The following TENM1 variants were observed in gnomAD, a reference collection of about 807,000 sequenced individuals.
TENM1 encodes teneurin-1.
TENM1 carries 35 observed loss-of-function variants against 174.8 expected under a neutral mutation model. The observed-to-expected ratio is 0.20, with a 90% CI of 0.15 to 0.27. The LOEUF is 0.27. TENM1 is among the 10% of genes least tolerant of loss of function. TENM1 has a pLI of 1.00. For synonymous variants in TENM1, 781 were observed against 798.7 expected (o/e 0.98, Z 0.37); for missense variants, 1,633 against 2,130.1 (o/e 0.77, Z 4.59).
chrX:124,914,836 T>TA (rs1359581668), intron 1 of TENM1, among the ~76,000 whole-genome samples: 1 of 111,994 alleles, frequency 8.9e-6, no homozygotes, highest in African/African-American at 3.2e-5. Flanking sequence ...TGCTAAAAAC[T>TA]AATCACATCA....
chrX:124,586,796 C>T (rs1205426999), intron 11 of TENM1, among the ~76,000 whole-genome samples: 4 of 106,782 alleles, frequency 3.7e-5, no homozygotes, highest in Admixed American at 1.0e-4. Context: ...ACCCCATTGT[C>T]TCAGCCCAAA....
Position 124,913,711 on chromosome X carries a change from G to A in TENM1, c.218-17470C>T, listed in dbSNP as rs145325678. On this transcript the variant is annotated intron_variant, in intron 1 of 31. Coordinates refer to ENST00000422452, the Ensembl canonical transcript of TENM1. ...AATTATGACTGCTTTCTGAAGTAGA[G>A]AATAATGGAAAATCTTACTATACTA... Among the ~76,000 whole-genome samples, 204 of 111,830 alleles carry A rather than the reference G, an allele frequency of 1.8e-3. 1 individual carries two copies. The highest frequency in any genetic ancestry group is 6.2e-3 in the African/African-American group (192 of 30,891).
chrX:124,967,596 C>G (rs1321999286), upstream of TENM1, among the ~76,000 whole-genome samples: 1 of 111,479 alleles, frequency 9.0e-6, no homozygotes, highest in African/African-American at 3.3e-5. Context: ...AGTATTTCCT[C>G]CCTCCCAAAA....
At chrX:124,457,850 A>G (rs2061127093) in intron 22 of TENM1, among the ~76,000 whole-genome samples, 1 of 112,149 alleles carries the variant, frequency 8.9e-6, no homozygotes, top group Non-Finnish European at 1.9e-5. Context: ...GGCCACCTAC[A>G]TTTTTATTAT....
At chrX:125,181,797 A>C in the TENM1 span, among the ~76,000 whole-genome samples, 2 of 110,954 alleles carry the variant, frequency 1.8e-5, no homozygotes, top group Non-Finnish European at 3.8e-5. Context: ...AAATCGCTGT[A>C]GTTCTGATGG....
chrX:124,765,428 T>C (rs914108105), intron 3 of TENM1, among the ~76,000 whole-genome samples: 2 of 111,748 alleles, frequency 1.8e-5, no homozygotes, highest in Admixed American at 1.9e-4. Context: ...GCACCTGCAG[T>C]GTGGTACACA....
the TENM1 span, among the ~76,000 whole-genome samples, chrX:125,030,154 A>G: frequency 6.2e-5 from 7 of 112,169 alleles, no homozygotes; most frequent in African/African-American, 2.3e-4. Context: ...TTGAGAGTTC[A>G]CAGGCAGTAT....
intron 11 of TENM1, among the ~76,000 whole-genome samples, chrX:124,620,275 C>T (rs1245855269): frequency 9.0e-6 from 1 of 111,232 alleles, no homozygotes; most frequent in East Asian, 2.8e-4. Context: ...GGGCCTCAAC[C>T]TGTCCTCAAT....
intron 27 of TENM1, among the ~76,000 whole-genome samples, chrX:124,403,160 A>C (rs1183211240): frequency 9.0e-6 from 1 of 111,031 alleles, no homozygotes; most frequent in Non-Finnish European, 1.9e-5. Context: ...CCCAAACAAA[A>C]CCAAACAACA....
chrX:125,088,134 C>T, the TENM1 span, among the ~76,000 whole-genome samples: 1 of 111,394 alleles, frequency 9.0e-6, no homozygotes, highest in South Asian at 3.7e-4. Context: ...AATTAAATGG[C>T]ATTTTATATG....
chrX:124,406,661 T>A lies in TENM1; in HGVS notation c.4983-172A>T, dbSNP rs143492909. On this transcript the variant is annotated intron_variant, in intron 25 of 31. Transcript: ENST00000422452. ...AGAGAGATGATTAATCAAACGAAGGTATTTTTTGCAGCTTCTGAATTCTTG... is the reference window on the plus strand; with the variant it reads ...AGAGAGATGATTAATCAAACGAAGGAATTTTTTGCAGCTTCTGAATTCTTG... 1.4e-4 allele frequency among the ~76,000 whole-genome samples: 16 copies of A among 112,345 alleles called. No individual in the cohort carries two copies. The East Asian group carries it at 4.5e-3, about 31-fold the overall frequency.
intron 14 of TENM1, among the ~76,000 whole-genome samples, chrX:124,554,699 T>C (rs1222407347): frequency 1.8e-5 from 2 of 111,929 alleles, no homozygotes; most frequent in Non-Finnish European, 3.8e-5. Flanking sequence ...CTGGTGCCAT[T>C]CTAAACATGA....
chrX:124,907,605 G>A (rs2057770113), intron 1 of TENM1, among the ~76,000 whole-genome samples: 1 of 111,673 alleles, frequency 9.0e-6, no homozygotes, highest in South Asian at 3.8e-4. Flanking sequence ...AACTAGATGA[G>A]AGGATATGGT....
At chrX:124,752,866 A>T in intron 3 of TENM1, among the ~76,000 whole-genome samples, 1 of 110,327 alleles carries the variant, frequency 9.1e-6, no homozygotes, top group East Asian at 2.8e-4. Flanking sequence ...CTGTTTTGGT[A>T]CCAGTACCAT....
intron 3 of TENM1, among the ~76,000 whole-genome samples, chrX:124,859,608 G>A (rs1041471616): frequency 9.1e-6 from 1 of 110,341 alleles, no homozygotes; most frequent in Non-Finnish European, 1.9e-5. Context: ...TGATAACTGT[G>A]GAAGTGTAAT....
chrX:124,385,756 A>G (rs375505824), exon 29 of TENM1: 161 of 1,209,311 alleles, frequency 1.3e-4, no homozygotes, highest in Non-Finnish European at 1.7e-4. Flanking sequence ...AAGACTCTTC[A>G]TATGTTAATG....
chrX:124,516,737 A>G (rs2047713479), intron 18 of TENM1, among the ~76,000 whole-genome samples: 1 of 112,225 alleles, frequency 8.9e-6, no homozygotes, highest in Non-Finnish European at 1.9e-5. Flanking sequence ...GCCATTGTGG[A>G]AAGCAGTGTG....
At chrX:124,693,019 A>G (rs1190398432) in intron 5 of TENM1, among the ~76,000 whole-genome samples, 1 of 106,634 alleles carries the variant, frequency 9.4e-6, no homozygotes, top group Non-Finnish European at 1.9e-5. Flanking sequence ...AAAAAAAAAA[A>G]AAAAAGAAAA....
At chrX:124,654,018 T>C (rs2051376434) in intron 6 of TENM1, among the ~76,000 whole-genome samples, 1 of 111,954 alleles carries the variant, frequency 8.9e-6, no homozygotes, top group South Asian at 3.7e-4. Flanking sequence ...TTTATTTCAA[T>C]CAATTTCACT....
Sources: gnomAD v4.1 joint callset for allele counts (sites outside exome capture counted in the v4.1 genomes callset) on GRCh38, gnomAD v4.1.1 for gene constraint, MANE v1.5 for transcripts, NCBI Gene and HGNC (gene_info 2026-07-23, HGNC 2026-07-21) for gene names.